TMC1: variants seen among roughly 807,000 people sequenced by gnomAD.
TMC1 encodes the protein transmembrane channel-like protein 1.
Under a neutral mutation model 105.8 loss-of-function variants are expected in TMC1, and 84 were observed. The observed-to-expected ratio is 0.79, with a 90% CI of 0.67 to 0.95. The LOEUF is 0.95. Among genes scored for constraint, TMC1 ranks in the 40% least tolerant of loss-of-function variants. TMC1 has a pLI of 0.00. For synonymous variants in TMC1, 315 were observed against 311.5 expected (o/e 1.01, Z -0.12); for missense variants, 817 against 914.1 (o/e 0.89, Z 1.37).
intron 23 of TMC1, among the ~76,000 whole-genome samples, chr9:72,835,366 G>T (rs879878162): frequency 6.9e-6 from 1 of 145,410 alleles, no homozygotes; most frequent in Non-Finnish European, 1.6e-5. Flanking sequence ...GAATTTATTA[G>T]AATTGTTTAG....
intron 2 of TMC1, among the ~76,000 whole-genome samples, chr9:72,614,789 T>C (rs1297419592): frequency 6.6e-6 from 1 of 152,186 alleles, no homozygotes; most frequent in Non-Finnish European, 1.5e-5. Flanking sequence ...CAAGTGATTC[T>C]TGTGTCTCAG....
chr9:72,800,825 T>C (rs1441533441), intron 17 of TMC1, among the ~76,000 whole-genome samples: 1 of 152,092 alleles, frequency 6.6e-6, no homozygotes, highest in Non-Finnish European at 1.5e-5. Context: ...CTGACTGGAA[T>C]GTTGATTAGG....
At chr9:72,748,443 C>T (rs1424689205) in intron 10 of TMC1, among the ~76,000 whole-genome samples, 2 of 152,036 alleles carry the variant, frequency 1.3e-5, no homozygotes, top group African/African-American at 4.8e-5. Context: ...AATACTTAAC[C>T]TCATTAAGTT....
At chr9:72,619,836 T>A (rs7046091) in intron 3 of TMC1, among the ~76,000 whole-genome samples, 7,414 of 143,496 alleles carry the variant, frequency 0.052, 197 homozygotes, top group South Asian at 0.089. Context: ...TTAATTAATT[T>A]ATTTATTTAT....
chr9:72,755,081 AGAGAG>A (rs1429152934), intron 12 of TMC1, among the ~76,000 whole-genome samples, 197 bp downstream of exon 12: 4 of 149,026 alleles, frequency 2.7e-5, no homozygotes, highest in African/African-American at 1.0e-4. Context: ...GGAGAGAGAG[AGAGAG>A]AGAGAGAGAG....
chr9:72,804,196 C>T (rs532681604), intron 17 of TMC1, among the ~76,000 whole-genome samples: 3 of 151,986 alleles, frequency 2.0e-5, no homozygotes, highest in Non-Finnish European at 4.4e-5. Context: ...AAAACATGGA[C>T]ACAGGGAGGG....
intron 13 of TMC1, among the ~76,000 whole-genome samples, chr9:72,781,300 T>C (rs1055031631): frequency 1.3e-4 from 20 of 152,040 alleles, no homozygotes; most frequent in Non-Finnish European, 2.4e-4. Context: ...ACCAGAATCT[T>C]TGGGACCCAG....
chr9:72,788,436 CCTGAAA>C lies in TMC1; in HGVS notation c.984_989del (p.Glu329_Thr330del). The C allele has an allele frequency of 1.9e-6, 3 of 1,614,020 alleles. No homozygotes were observed. Among genetic ancestry groups the C allele is most frequent in the Non-Finnish European group, 2.5e-6 (3 of 1,179,932 alleles). ...CAGCTGGGACTACCTGATCGGCAATCCTGAAACAGCAGACAACAAATTTAATTCTAT... is the reference window on the plus strand; with the variant it reads ...CAGCTGGGACTACCTGATCGGCAATCCAGCAGACAACAAATTTAATTCTAT... On this transcript the variant is annotated inframe_deletion, in exon 14 of 24. Coordinates refer to ENST00000297784, the MANE Select transcript of TMC1 (RefSeq NM_138691.3).
intron 17 of TMC1, among the ~76,000 whole-genome samples, chr9:72,796,367 A>G (rs1828368449): frequency 6.6e-6 from 1 of 152,182 alleles, no homozygotes; most frequent in Non-Finnish European, 1.5e-5. Flanking sequence ...TTCCCAGCTC[A>G]TCCTATGAGG....
intron 4 of TMC1, among the ~76,000 whole-genome samples, chr9:72,637,116 C>T (rs1002157965): frequency 2.0e-5 from 3 of 151,686 alleles, no homozygotes; most frequent in Non-Finnish European, 4.4e-5. Flanking sequence ...TCAGCAGCCC[C>T]GTATGGTTTT....
At chr9:72,831,585 T>C (rs71507807) in intron 23 of TMC1, among the ~76,000 whole-genome samples, 6,379 of 146,892 alleles carry the variant, frequency 0.043, 173 homozygotes, top group African/African-American at 0.054. Flanking sequence ...TAGCCCTCCC[T>C]GCTCCCCCCA....
At chr9:72,697,129 G>A (rs1264043390) in intron 7 of TMC1, among the ~76,000 whole-genome samples, 2 of 152,014 alleles carry the variant, frequency 1.3e-5, no homozygotes, top group South Asian at 2.1e-4. Context: ...AGGAATAAAC[G>A]TCTTTCCATA....
At chr9:72,783,954 C>T (rs957243301) in intron 13 of TMC1, among the ~76,000 whole-genome samples, 1 of 152,084 alleles carries the variant, frequency 6.6e-6, no homozygotes, top group Non-Finnish European at 1.5e-5. Context: ...TAAAACTAAT[C>T]TATAAAAACT....
chr9:72,643,506 G>A (rs1271783902), intron 4 of TMC1, among the ~76,000 whole-genome samples: 3 of 152,000 alleles, frequency 2.0e-5, no homozygotes, highest in Non-Finnish European at 4.4e-5. Context: ...TCTGCTTTGT[G>A]TCACTGCATT....
Position 72,765,975 on chromosome 9 carries a change from A to G in TMC1, c.742-6438A>G, listed in dbSNP as rs185574628. 1.1e-3 allele frequency among the ~76,000 whole-genome samples: 163 copies of G among 152,346 alleles called. No individual in the cohort carries two copies. In the Middle Eastern group the frequency reaches 0.017, roughly 16 times the overall value. On this transcript the variant is annotated intron_variant, in intron 12 of 23. Transcript: ENST00000297784. ...GACAAAAACTAGGCATGAGATTCCA[A>G]CAAACCTGGGTTTGAATCCTGCCAC...
Position 72,836,283 on chromosome 9 carries a change from G to T in TMC1, c.*310G>T. The T allele has an allele frequency of 2.9e-6, 1 of 346,368 alleles. No homozygotes were observed. Among genetic ancestry groups the T allele is most frequent in the Non-Finnish European group, 5.2e-6 (1 of 191,714 alleles). The allele number at this position is 346,368 out of a possible 1,614,324, so 21.5% of individuals were successfully genotyped here. ...GTGTAATCCAGCAATACAGTTTACT[G>T]GTTTAGTTGGTGGGTTAATTAAAAA... is the stretch of plus-strand genomic sequence containing the variant. On this transcript the variant is annotated 3_prime_UTR_variant, in exon 24 of 24. Coordinates refer to ENST00000297784, the MANE Select transcript of TMC1 (RefSeq NM_138691.3).
intron 2 of TMC1, among the ~76,000 whole-genome samples, chr9:72,613,038 T>C (rs1825059347): frequency 6.6e-6 from 1 of 152,188 alleles, no homozygotes; most frequent in Non-Finnish European, 1.5e-5. Context: ...TGAAGGATTG[T>C]TAGGAGCTGA....
intron 13 of TMC1, among the ~76,000 whole-genome samples, chr9:72,775,777 A>G (rs904590654): frequency 2.6e-5 from 4 of 152,180 alleles, no homozygotes; most frequent in African/African-American, 9.7e-5. Flanking sequence ...TTCTGCATCA[A>G]GTGAGTGATT....
intron 18 of TMC1, among the ~76,000 whole-genome samples, chr9:72,807,028 G>A (rs566607480): frequency 7.9e-5 from 12 of 152,358 alleles, no homozygotes; most frequent in South Asian, 6.2e-4. Context: ...TCGGGAGGCT[G>A]AGGCTGGCGG....
Sources: allele counts gnomAD v4.1 joint callset (sites outside exome capture counted in the v4.1 genomes callset), GRCh38; gene constraint gnomAD v4.1.1; transcripts MANE v1.5; gene names NCBI Gene and HGNC (gene_info 2026-07-23, HGNC 2026-07-21).